The following CHCHD3 variants were observed in gnomAD, a reference collection of about 807,000 sequenced individuals.
The protein encoded by CHCHD3 is coiled-coil-helix-coiled-coil-helix domain containing 3, also known as MICOS complex subunit MIC19.
In CHCHD3, 20 loss-of-function variants were observed where a neutral mutation model predicts 38.2. That is an observed-to-expected ratio of 0.52 (90% CI 0.37 to 0.76). The LOEUF is 0.76. Ranked by LOEUF, CHCHD3 falls within the 30% of genes least tolerant of loss-of-function variation. The pLI is 0.00. For synonymous variants in CHCHD3, 82 were observed against 100.0 expected (o/e 0.82, Z 1.07); for missense variants, 245 against 279.2 (o/e 0.88, Z 0.87).
chr7:132,879,375 G>A (rs969055056), intron 5 of CHCHD3, among the ~76,000 whole-genome samples: 5 of 152,096 alleles, frequency 3.3e-5, no homozygotes, highest in African/African-American at 1.2e-4. Context: ...CAAGCCAAGA[G>A]GGCTTCATGC....
chr7:132,864,433 T>C (rs12539910), intron 5 of CHCHD3, among the ~76,000 whole-genome samples: 34,030 of 151,976 alleles, frequency 0.22, 4,023 homozygotes, highest in South Asian at 0.26. Context: ...AAAGATCACA[T>C]CATAGATCAC....
At chr7:133,056,151 A>G (rs553137530) in intron 2 of CHCHD3, among the ~76,000 whole-genome samples, 5 of 152,082 alleles carry the variant, frequency 3.3e-5, no homozygotes, top group Non-Finnish European at 7.4e-5. Flanking sequence ...TGCCTCAAAA[A>G]AAAAAAAATG....
intron 4 of CHCHD3, among the ~76,000 whole-genome samples, chr7:132,893,069 T>C (rs1352088326): frequency 6.6e-6 from 1 of 152,156 alleles, no homozygotes. Flanking sequence ...GACCCCAGAA[T>C]GGTAGATCCA....
At chr7:132,957,536 G>A (rs557535697) in intron 4 of CHCHD3, among the ~76,000 whole-genome samples, 2 of 152,134 alleles carry the variant, frequency 1.3e-5, no homozygotes, top group African/African-American at 4.8e-5. Flanking sequence ...AGGCTGCAGT[G>A]CAGTGCCACG....
chr7:132,889,973 G>GA (rs1240301827), intron 4 of CHCHD3, among the ~76,000 whole-genome samples: 9 of 152,230 alleles, frequency 5.9e-5, no homozygotes, highest in African/African-American at 1.9e-4. Flanking sequence ...CATATCTTGG[G>GA]AAAAAATAAT....
chr7:132,974,807 G>A (rs1413395595), intron 4 of CHCHD3, among the ~76,000 whole-genome samples: 3 of 151,932 alleles, frequency 2.0e-5, no homozygotes, highest in Non-Finnish European at 2.9e-5. Flanking sequence ...CCCGGAGGCG[G>A]AGGTTGCAGT....
chr7:133,015,338 G>A (rs1203931482), intron 3 of CHCHD3, among the ~76,000 whole-genome samples: 3 of 88,580 alleles, frequency 3.4e-5, no homozygotes, highest in East Asian at 3.3e-4. Context: ...GCCAGACAAC[G>A]TCTCAAAAAT....
intron 5 of CHCHD3, among the ~76,000 whole-genome samples, chr7:132,852,134 T>C (rs980965489): frequency 7.2e-5 from 11 of 152,228 alleles, no homozygotes; most frequent in African/African-American, 2.4e-4. Flanking sequence ...CTGAAGGATT[T>C]ATAACAGATG....
chr7:132,795,144 C>T (rs1806574130), intron 7 of CHCHD3, among the ~76,000 whole-genome samples: 1 of 152,194 alleles, frequency 6.6e-6, no homozygotes, highest in South Asian at 2.1e-4. Context: ...AGCATTGAAA[C>T]ATACACTTTG....
At chr7:132,960,521 T>A (rs550516538) in intron 4 of CHCHD3, among the ~76,000 whole-genome samples, 11 of 152,304 alleles carry the variant, frequency 7.2e-5, no homozygotes, top group Non-Finnish European at 1.3e-4. Context: ...GAAGCACCAA[T>A]ACATTCTTCT....
chr7:132,943,985 G>A (rs1393698733), intron 4 of CHCHD3, among the ~76,000 whole-genome samples: 1 of 152,056 alleles, frequency 6.6e-6, no homozygotes, highest in Non-Finnish European at 1.5e-5. Context: ...TAAACTGATA[G>A]AAACTTTCAA....
intron 4 of CHCHD3, among the ~76,000 whole-genome samples, chr7:132,924,274 T>C (rs1810324418): frequency 1.3e-5 from 2 of 152,124 alleles, no homozygotes; most frequent in South Asian, 4.1e-4. Flanking sequence ...CAAACAGTAG[T>C]GGTACAGTTT....
At chr7:132,961,199 T>A (rs1012491414) in intron 4 of CHCHD3, among the ~76,000 whole-genome samples, 3 of 152,086 alleles carry the variant, frequency 2.0e-5, no homozygotes, top group African/African-American at 4.8e-5. Context: ...GGAGGATCAC[T>A]TGAGCCCAGG....
intron 2 of CHCHD3, among the ~76,000 whole-genome samples, chr7:133,026,581 TAC>T (rs1378101653): frequency 6.6e-6 from 1 of 152,226 alleles, no homozygotes; most frequent in African/African-American, 2.4e-5. Flanking sequence ...CATGAGTATT[TAC>T]AGTGACATTA....
intron 5 of CHCHD3, among the ~76,000 whole-genome samples, chr7:132,855,518 C>G (rs990467894): frequency 5.3e-5 from 8 of 152,170 alleles, no homozygotes; most frequent in Non-Finnish European, 8.8e-5. Context: ...GACCATCAAT[C>G]TATTTCAAAG....
At chr7:132,810,580 A>T (rs1446162317) in intron 6 of CHCHD3, among the ~76,000 whole-genome samples, 1 of 152,200 alleles carries the variant, frequency 6.6e-6, no homozygotes, top group African/African-American at 2.4e-5. Context: ...ACAATCTACC[A>T]CACAGATTCT....
intron 5 of CHCHD3, among the ~76,000 whole-genome samples, chr7:132,879,861 AC>A (rs1339444754): frequency 1.3e-5 from 2 of 151,932 alleles, no homozygotes; most frequent in Admixed American, 6.6e-5. Flanking sequence ...TGCTTTAATG[AC>A]TATAAATTTC....
intron 4 of CHCHD3, among the ~76,000 whole-genome samples, chr7:132,924,759 G>A (rs1480030402): frequency 2.6e-5 from 4 of 152,084 alleles, no homozygotes; most frequent in Admixed American, 6.6e-5. Context: ...GTGTATCTTT[G>A]GCACATGCAT....
intron 3 of CHCHD3, among the ~76,000 whole-genome samples, chr7:132,985,640 C>T (rs1207133406): frequency 1.3e-4 from 10 of 75,214 alleles, no homozygotes; most frequent in East Asian, 5.2e-4. Context: ...AAGAGAGGAG[C>T]CCCTCTGCCC....
Sources: gnomAD v4.1 joint callset for allele counts (sites outside exome capture counted in the v4.1 genomes callset) on GRCh38, gnomAD v4.1.1 for gene constraint, MANE v1.5 for transcripts, NCBI Gene and HGNC (gene_info 2026-07-23, HGNC 2026-07-21) for gene names.